The following EPHB2 variants were observed in gnomAD, a reference collection of about 807,000 sequenced individuals.
EPHB2 encodes EPH receptor B2, also known as ephrin type-B receptor 2.
Under a neutral mutation model 96.4 loss-of-function variants are expected in EPHB2, and 18 were observed. The observed-to-expected ratio is 0.19, with a 90% CI of 0.13 to 0.28. The LOEUF (loss-of-function observed/expected upper bound fraction) is 0.28, where lower values mean the gene tolerates loss of function less well. EPHB2 is among the 10% of genes least tolerant of loss of function. EPHB2 has a pLI of 1.00. For missense variants in EPHB2, 989 were observed against 1,355.4 expected (o/e 0.73, Z 4.25); for synonymous variants, 506 against 534.1 (o/e 0.95, Z 0.72).
chr1:22,910,600 C>A, intron 14 of EPHB2, 25 bp downstream of exon 14: 1 of 1,612,806 alleles, frequency 6.2e-7, no homozygotes, highest in Non-Finnish European at 8.5e-7. Context: ...TGGCCCTGCC[C>A]CAGCCAGGCC....
At chr1:22,776,443 T>C (rs1416287862) in intron 1 of EPHB2, among the ~76,000 whole-genome samples, 1 of 152,244 alleles carries the variant, frequency 6.6e-6, no homozygotes, top group African/African-American at 2.4e-5. Context: ...ATTAATTATC[T>C]GTGTACAGTG....
At position 22,913,377 on chromosome 1, in the gene EPHB2, C is replaced by T; in HGVS notation, c.2853-85C>T. The T allele has an allele frequency of 6.5e-7, 1 of 1,547,388 alleles. No individual in the cohort carries two copies. The highest frequency in any genetic ancestry group is 8.8e-7 in the Non-Finnish European group (1 of 1,138,358). On this transcript the variant is annotated intron_variant, in intron 15 of 15. Coordinates refer to ENST00000374630, the MANE Select transcript of EPHB2 (RefSeq NM_017449.5). The surrounding 1 kb of genome is among the most constrained non-coding windows in gnomAD (Gnocchi z 4.1). Reference sequence around the variant, plus strand: ...GTACTCCTTGCTTTGCCATCTTCCTCCCGGGGAAGCCCAGGCAGCTCTCTA... The same window carrying T: ...GTACTCCTTGCTTTGCCATCTTCCTTCCGGGGAAGCCCAGGCAGCTCTCTA...
At chr1:22,798,117 T>C (rs867429447) in intron 3 of EPHB2, among the ~76,000 whole-genome samples, 11 of 152,234 alleles carry the variant, frequency 7.2e-5, no homozygotes, top group Non-Finnish European at 1.5e-5. Flanking sequence ...TTGTTCACCA[T>C]TGTATTTCCA....
chr1:22,864,810 A>C, intron 4 of EPHB2, 67 bp from the exon 5 acceptor site: 1 of 1,047,650 alleles, frequency 9.5e-7, no homozygotes, highest in Non-Finnish European at 1.4e-6. Context: ...CAGCGGGCAC[A>C]GAGTGGTCAC....
intron 1 of EPHB2, among the ~76,000 whole-genome samples, chr1:22,722,958 G>A (rs981937510): frequency 6.6e-6 from 1 of 152,250 alleles, no homozygotes; most frequent in African/African-American, 2.4e-5. Context: ...CGGATAGGAG[G>A]CCCGTGAGTG....
At chr1:22,830,064 G>C (rs903251886) in intron 3 of EPHB2, among the ~76,000 whole-genome samples, 5 of 152,176 alleles carry the variant, frequency 3.3e-5, no homozygotes, top group African/African-American at 4.8e-5. Flanking sequence ...TGGTGGGAAG[G>C]GGGGACTAGG....
intron 3 of EPHB2, among the ~76,000 whole-genome samples, chr1:22,800,565 T>G (rs1644827568): frequency 1.3e-5 from 2 of 152,214 alleles, no homozygotes; most frequent in Admixed American, 6.5e-5. Context: ...GGTGTGTGTT[T>G]GCATGGGTGC....
intron 1 of EPHB2, among the ~76,000 whole-genome samples, chr1:22,746,322 A>G (rs941037665): frequency 6.6e-6 from 1 of 152,230 alleles, no homozygotes; most frequent in African/African-American, 2.4e-5. Context: ...ATGGACTGAA[A>G]GATGAGCGGG....
chr1:22,869,041 G>A (rs967304055), intron 5 of EPHB2, among the ~76,000 whole-genome samples: 6 of 152,124 alleles, frequency 3.9e-5, no homozygotes, highest in Non-Finnish European at 7.4e-5. Context: ...TCAGGTCTGA[G>A]TAAGTCTAAA....
chr1:22,894,163 A>T (rs933324494), intron 7 of EPHB2, among the ~76,000 whole-genome samples: 2 of 152,136 alleles, frequency 1.3e-5, no homozygotes, highest in Admixed American at 6.5e-5. Flanking sequence ...ACTGGGAACT[A>T]GGAGACTGTC....
In EPHB2 at chr1:22,909,182, A is replaced by AT; in HGVS notation, c.2502+11_2502+12insT. On this transcript the variant is annotated intron_variant, in intron 13 of 15. Coordinates refer to ENST00000374630, the MANE Select transcript of EPHB2 (RefSeq NM_017449.5). ...ATGACCAACCAGGATGTAAGTCTCC[A>AT]AGGGGATAGGCAAGGCCTCTCTGGC... 1 of 1,614,164 alleles carries AT rather than the reference A, an allele frequency of 6.2e-7. No homozygotes were observed. Among genetic ancestry groups the AT allele is most frequent in the Non-Finnish European group, 8.5e-7 (1 of 1,179,998 alleles).
chr1:22,859,175 G>A (rs1172082332), intron 3 of EPHB2, among the ~76,000 whole-genome samples: 2 of 151,918 alleles, frequency 1.3e-5, no homozygotes, highest in African/African-American at 2.4e-5. Context: ...GGGGGCTCAG[G>A]GAAGACTTCC....
intron 3 of EPHB2, among the ~76,000 whole-genome samples, chr1:22,853,987 G>A (rs1481880940): frequency 2.6e-5 from 4 of 152,220 alleles, no homozygotes; most frequent in Admixed American, 6.5e-5. Context: ...CCACAAAGCC[G>A]GGTCCCAGCA....
At chr1:22,844,666 G>C (rs925091750) in intron 3 of EPHB2, among the ~76,000 whole-genome samples, 1 of 152,150 alleles carries the variant, frequency 6.6e-6, no homozygotes, top group African/African-American at 2.4e-5. Context: ...TGGTGATGCC[G>C]GCTCCAGAGC....
rs1389325421 is a variant in EPHB2 at position 22,906,939 on chromosome 1, C to T, written c.2118C>T (p.Ser706=). The change falls in exon 11 of 16, where the codon TCC becomes TCT. Residue 706 remains serine, a synonymous_variant. Coordinates refer to ENST00000374630, the MANE Select transcript of EPHB2 (RefSeq NM_017449.5). This position sits in a 1 kb window ranked among gnomAD's most constrained non-coding sequence, Gnocchi z 4.8. ...MIITEFMENG[S]LDSFLRQNDG... ...TCACCGAGTTCATGGAGAATGGCTC[C>T]CTGGACTCCTTTCTCCGGGTAGGGG... 6.2e-7 allele frequency: 1 copy of T among 1,610,856 alleles called. No individual in the cohort carries two copies. Among genetic ancestry groups the T allele is most frequent in the Non-Finnish European group, 8.5e-7 (1 of 1,177,438 alleles).
chr1:22,861,175 C>T (rs1026285395), intron 3 of EPHB2, among the ~76,000 whole-genome samples: 2 of 152,118 alleles, frequency 1.3e-5, no homozygotes, highest in Non-Finnish European at 1.5e-5. Context: ...TACTGTTGTC[C>T]CATTTTACAG....
intron 14 of EPHB2, among the ~76,000 whole-genome samples, 190 bp from the exon 15 acceptor site, chr1:22,912,254 G>T (rs1330270109): frequency 6.6e-6 from 1 of 152,158 alleles, no homozygotes; most frequent in Non-Finnish European, 1.5e-5. Context: ...ATATATGCGT[G>T]CATGTTTCCA....
At chr1:22,894,037 C>G (rs1315897121) in intron 7 of EPHB2, among the ~76,000 whole-genome samples, 1 of 152,190 alleles carries the variant, frequency 6.6e-6, no homozygotes, top group East Asian at 1.9e-4. Flanking sequence ...TCACAAAAAT[C>G]CTCCCTATGG....
chr1:22,745,805 G>A (rs1054874741), intron 1 of EPHB2, among the ~76,000 whole-genome samples: 3 of 152,138 alleles, frequency 2.0e-5, no homozygotes, highest in Non-Finnish European at 4.4e-5. Flanking sequence ...TTGGATGATC[G>A]GCAGCTGTGA....
Sources: allele counts gnomAD v4.1 joint callset (sites outside exome capture counted in the v4.1 genomes callset), GRCh38; gene constraint gnomAD v4.1.1; non-coding constraint Gnocchi (gnomAD v3.1); transcripts MANE v1.5; gene names NCBI Gene and HGNC (gene_info 2026-07-23, HGNC 2026-07-21).